Variants in LRRC28 observed in about 807,000 individuals in gnomAD.
LRRC28 encodes the protein leucine-rich repeat-containing protein 28.
A neutral mutation model predicts 45.7 loss-of-function variants in LRRC28; 39 were observed. The observed-to-expected ratio is 0.85, with a 90% CI of 0.66 to 1.12. The LOEUF is 1.12. LRRC28 is among the 50% of genes most tolerant of loss of function. The pLI is 0.00. For synonymous variants in LRRC28, 206 were observed against 178.8 expected (o/e 1.15, Z -1.22); for missense variants, 435 against 438.5 (o/e 0.99, Z 0.07).
intron 2 of LRRC28, among the ~76,000 whole-genome samples, chr15:99,271,925 C>T (rs1214971287): frequency 6.6e-6 from 1 of 152,156 alleles, no homozygotes; most frequent in Non-Finnish European, 1.5e-5. Context: ...TGTTGCTGCT[C>T]ATGCTTTTGA....
intron 9 of LRRC28, among the ~76,000 whole-genome samples, chr15:99,375,334 A>G (rs1957597946): frequency 6.6e-6 from 1 of 152,178 alleles, no homozygotes; most frequent in African/African-American, 2.4e-5. Context: ...CTTGATCATG[A>G]TGTGTAATTC....
At chr15:99,332,410 G>A (rs892743229) in intron 5 of LRRC28, among the ~76,000 whole-genome samples, 4 of 152,050 alleles carry the variant, frequency 2.6e-5, no homozygotes, top group African/African-American at 4.8e-5. Flanking sequence ...GCACAAATTC[G>A]TAAATATTAG....
At chr15:99,351,524 T>C (rs1214440343) in intron 6 of LRRC28, among the ~76,000 whole-genome samples, 1 of 152,140 alleles carries the variant, frequency 6.6e-6, no homozygotes, top group African/African-American at 2.4e-5. Flanking sequence ...CCTTAAGTCT[T>C]GTCTATGCCA....
intron 2 of LRRC28, chr15:99,257,594 G>A (rs532703741): frequency 1.8e-5 from 11 of 615,694 alleles, no homozygotes; most frequent in African/African-American, 1.1e-4. Context: ...TGGCTCTTGC[G>A]ATCGAAAGGG....
chr15:99,274,960 C>G (rs747192756), intron 2 of LRRC28, among the ~76,000 whole-genome samples: 2 of 152,030 alleles, frequency 1.3e-5, no homozygotes, highest in Non-Finnish European at 1.5e-5. Context: ...ATTCCTGATT[C>G]ATTATTATTG....
At chr15:99,337,572 T>G (rs1189691201) in intron 6 of LRRC28, among the ~76,000 whole-genome samples, 1 of 152,260 alleles carries the variant, frequency 6.6e-6, no homozygotes, top group Non-Finnish European at 1.5e-5. Context: ...TAGCTTCTTC[T>G]GTCTCTAGGT....
chr15:99,261,488 G>T (rs371775704), intron 2 of LRRC28, among the ~76,000 whole-genome samples: 1 of 152,040 alleles, frequency 6.6e-6, no homozygotes, highest in African/African-American at 2.4e-5. Context: ...TCCTGGGTTC[G>T]CAGATGGTGC....
intron 5 of LRRC28, 150 bp downstream of exon 5, chr15:99,288,101 T>G: frequency 2.8e-6 from 2 of 722,854 alleles, no homozygotes; most frequent in Non-Finnish European, 4.0e-6. Context: ...GGGTGAAATA[T>G]TACTAAGAGT....
chr15:99,258,330 GAGGAAACACTCT>G, intron 2 of LRRC28: 1 of 1,457,294 alleles, frequency 6.9e-7, no homozygotes, highest in South Asian at 1.1e-5. Flanking sequence ...GCTGACCCAA[GAGGAAACACTCT>G]AGGACGGGGA....
At chr15:99,260,099 T>TG (rs2081152179) in intron 2 of LRRC28, 1 of 475,228 alleles carries the variant, frequency 2.1e-6, no homozygotes, top group African/African-American at 2.0e-5. Flanking sequence ...AGACTTGTTT[T>TG]GGATGCCCCC....
rs888450854 is a variant in LRRC28, at chr15:99,387,066, T to C, written c.*964T>C. Reference sequence around the variant, plus strand: ...TCAGCTACTTCCACTACTGGTTTTTTTTTGTTGTTGTTGAGACGGAGTCTC... The same window carrying C: ...TCAGCTACTTCCACTACTGGTTTTTCTTTGTTGTTGTTGAGACGGAGTCTC... On this transcript the variant is annotated 3_prime_UTR_variant, in exon 10 of 10. Transcript: ENST00000301981. The C allele has an allele frequency of 1.4e-5, 2 of 148,000 alleles. No homozygotes were observed. Among genetic ancestry groups the C allele is most frequent in the African/African-American group, 5.2e-5 (2 of 38,140 alleles). 9.2% of individuals were successfully genotyped at this position (148,000 alleles called of 1,614,324 possible). A position where few individuals can be genotyped will look rare whatever the true frequency, so the allele number is the denominator to read the frequency against.
At chr15:99,276,491 A>G (rs2081619911) in intron 2 of LRRC28, 85 bp from the exon 3 acceptor site, 4 of 1,085,654 alleles carry the variant, frequency 3.7e-6, no homozygotes, top group Non-Finnish European at 3.9e-6. Context: ...ACCCCTCAAA[A>G]AGGTAGTACT....
At chr15:99,317,382 T>G (rs1174714645) in intron 5 of LRRC28, 1 of 152,204 alleles carries the variant, frequency 6.6e-6, no homozygotes, top group African/African-American at 2.4e-5. Context: ...TAAGTGGGTT[T>G]CCTGACTTGA....
intron 8 of LRRC28, among the ~76,000 whole-genome samples, chr15:99,362,876 G>T (rs1206466628): frequency 6.6e-6 from 1 of 151,898 alleles, no homozygotes; most frequent in East Asian, 1.9e-4. Context: ...ACAGCTTCTG[G>T]CTCTTAAAAT....
chr15:99,336,148 C>A (rs2152297004), intron 6 of LRRC28, among the ~76,000 whole-genome samples: 1 of 152,268 alleles, frequency 6.6e-6, no homozygotes, highest in East Asian at 1.9e-4. Context: ...ATAATAATAG[C>A]TACCATTTAT....
chr15:99,319,077 A>G (rs1033764609), intron 5 of LRRC28, among the ~76,000 whole-genome samples: 1 of 152,264 alleles, frequency 6.6e-6, no homozygotes, highest in Non-Finnish European at 1.5e-5. Context: ...TAAAATAGAG[A>G]TTACTTTTAC....
chr15:99,262,230 T>G (rs1295450803), intron 2 of LRRC28, among the ~76,000 whole-genome samples: 3 of 152,160 alleles, frequency 2.0e-5, no homozygotes, highest in Non-Finnish European at 4.4e-5. Flanking sequence ...ATGTTTATAT[T>G]TAGGATAGCC....
chr15:99,330,140 A>T (rs957845554), intron 5 of LRRC28, among the ~76,000 whole-genome samples: 1 of 152,074 alleles, frequency 6.6e-6, no homozygotes, highest in African/African-American at 2.4e-5. Flanking sequence ...ATCTTTCAGG[A>T]TTGTGATTTT....
In LRRC28 at chr15:99,386,064, T is replaced by A. The variant is rs1243079390; in HGVS notation, c.1066T>A (p.Ser356Thr). 1 of 1,614,062 alleles carries A rather than the reference T, an allele frequency of 6.2e-7. No homozygotes were observed. The highest frequency in any genetic ancestry group is 1.3e-5 in the African/African-American group (1 of 74,932). The stretch of plus-strand genomic sequence containing the variant: ...TGTTAGTTTTGTGGCTTACTGCTGC[T>A]CCACCCAGTGTCTGCAGACTTTTGA... ...TTVSFVAYCC[S>T]TQCLQTFDLL... The change falls in exon 10 of 10, where the codon TCC (serine) becomes ACC (threonine). Residue 356 changes from serine (S) to threonine (T), a missense_variant. Ser to Thr is a moderately conservative substitution (Grantham distance 58). Coordinates refer to ENST00000301981, the MANE Select transcript of LRRC28 (RefSeq NM_144598.5).
Sources: gnomAD v4.1 joint callset for allele counts (sites outside exome capture counted in the v4.1 genomes callset) on GRCh38, gnomAD v4.1.1 for gene constraint, MANE v1.5 for transcripts, NCBI Gene and HGNC (gene_info 2026-07-23, HGNC 2026-07-21) for gene names.